Variants in CALN1 observed in about 807,000 individuals in gnomAD.
CALN1 encodes the protein calcium-binding protein 8.
In CALN1, 17 loss-of-function variants were observed where a neutral mutation model predicts 30.6. The ratio of observed to expected loss-of-function variants is 0.56; its 90% CI spans 0.38 to 0.83. The LOEUF (loss-of-function observed/expected upper bound fraction) is 0.83. Among genes scored for constraint, CALN1 ranks in the 40% least tolerant of loss-of-function variants. The pLI, the probability that CALN1 is intolerant of heterozygous loss-of-function variation, is 0.00. For synonymous variants in CALN1, 156 were observed against 131.4 expected (o/e 1.19, Z -1.28); for missense variants, 291 against 354.9 (o/e 0.82, Z 1.45).
chr7:72,162,539 G>A (rs1788183807), intron 3 of CALN1, among the ~76,000 whole-genome samples: 1 of 151,842 alleles, frequency 6.6e-6, no homozygotes, highest in South Asian at 2.1e-4. Flanking sequence ...TTCGAGATCA[G>A]CCTGGGCAAC....
intron 1 of CALN1, among the ~76,000 whole-genome samples, chr7:72,434,974 C>G (rs957476367): frequency 2.0e-5 from 3 of 152,178 alleles, no homozygotes; most frequent in Non-Finnish European, 4.4e-5. Flanking sequence ...CACCTGTAAT[C>G]CAAGCACTTT....
chr7:72,411,138 T>C (rs746467715), intron 1 of CALN1, among the ~76,000 whole-genome samples: 6 of 148,408 alleles, frequency 4.0e-5, no homozygotes, highest in African/African-American at 7.9e-5. Context: ...AGAGCAAACA[T>C]AAAGGTTTTA....
At chr7:71,807,010 G>A (rs918423770) in intron 6 of CALN1, among the ~76,000 whole-genome samples, 4 of 152,196 alleles carry the variant, frequency 2.6e-5, no homozygotes, top group Non-Finnish European at 5.9e-5. Context: ...CGTCAGCAAG[G>A]GCATGGTTGA....
chr7:71,984,922 A>G (rs1562956368), intron 5 of CALN1, among the ~76,000 whole-genome samples: 1 of 152,156 alleles, frequency 6.6e-6, no homozygotes, highest in African/African-American at 2.4e-5. Context: ...AGATTCTTCT[A>G]CTTGGCAAAG....
At chr7:72,213,923 G>A (rs1444081701) in intron 3 of CALN1, among the ~76,000 whole-genome samples, 1 of 152,180 alleles carries the variant, frequency 6.6e-6, no homozygotes, top group Admixed American at 6.5e-5. Context: ...AGGCAAAGGC[G>A]CTGTTGTGGC....
At chr7:71,938,521 G>A (rs368643590) in intron 5 of CALN1, among the ~76,000 whole-genome samples, 2 of 152,132 alleles carry the variant, frequency 1.3e-5, no homozygotes, top group East Asian at 1.9e-4. Context: ...ACAGGGCCGG[G>A]CACGGTGGCT....
Position 71,912,330 on chromosome 7 carries a change from C to A in CALN1, c.502-101838G>T, listed in dbSNP as rs73701487. On this transcript the variant is annotated intron_variant, in intron 5 of 6. Transcript: ENST00000395275. Reference sequence around the variant, plus strand: ...TCTCAGTGGTCCCAGTTGATGATAACAGACAGTGCCCTGCCAAACCAAAGT... The same window carrying A: ...TCTCAGTGGTCCCAGTTGATGATAAAAGACAGTGCCCTGCCAAACCAAAGT... 8.4e-4 allele frequency among the ~76,000 whole-genome samples: 128 copies of A among 152,186 alleles called. 1 individual carries two copies. Among genetic ancestry groups the A allele is most frequent in the South Asian group, 3.5e-3 (17 of 4,804 alleles).
chr7:72,318,168 C>A (rs1162596577), intron 2 of CALN1, among the ~76,000 whole-genome samples: 1 of 152,134 alleles, frequency 6.6e-6, no homozygotes, highest in Non-Finnish European at 1.5e-5. Context: ...GGTTTCAATG[C>A]AAATGATACT....
At chr7:71,902,880 A>G (rs1460446208) in intron 5 of CALN1, among the ~76,000 whole-genome samples, 3 of 152,104 alleles carry the variant, frequency 2.0e-5, no homozygotes, top group Admixed American at 6.5e-5. Context: ...AATAACTCAG[A>G]AAGTCAAATA....
chr7:72,208,128 A>G (rs949117109), intron 3 of CALN1, among the ~76,000 whole-genome samples: 1 of 152,238 alleles, frequency 6.6e-6, no homozygotes, highest in African/African-American at 2.4e-5. Context: ...TTTATTTAAT[A>G]AAAGCCTCAG....
At chr7:72,278,331 C>G (rs372065981) in intron 3 of CALN1, among the ~76,000 whole-genome samples, 2 of 152,104 alleles carry the variant, frequency 1.3e-5, no homozygotes, top group Non-Finnish European at 2.9e-5. Flanking sequence ...TCAGTGACAA[C>G]ACAGAAACAA....
At chr7:72,229,345 C>A (rs1458840179) in intron 3 of CALN1, among the ~76,000 whole-genome samples, 2 of 152,048 alleles carry the variant, frequency 1.3e-5, no homozygotes, top group Non-Finnish European at 2.9e-5. Context: ...GAAAGCAGAG[C>A]ATGGTGGCTC....
intron 5 of CALN1, among the ~76,000 whole-genome samples, chr7:71,852,969 C>A (rs933847009): frequency 7.1e-4 from 108 of 152,300 alleles, no homozygotes; most frequent in African/African-American, 2.4e-3. Flanking sequence ...CTGCTTACGA[C>A]TCTTTTCTCA....
At chr7:72,366,418 C>T (rs550109941) in intron 2 of CALN1, among the ~76,000 whole-genome samples, 2 of 152,196 alleles carry the variant, frequency 1.3e-5, no homozygotes, top group South Asian at 2.1e-4. Flanking sequence ...TCAGGTGATC[C>T]ACCTGCCTCG....
At chr7:72,163,766 T>C (rs1585070524) in intron 3 of CALN1, among the ~76,000 whole-genome samples, 1 of 152,056 alleles carries the variant, frequency 6.6e-6, no homozygotes, top group African/African-American at 2.4e-5. Context: ...CAGAAACATA[T>C]TGATGGAGAT....
chr7:72,182,231 G>T (rs926791872), intron 3 of CALN1, among the ~76,000 whole-genome samples: 1 of 152,078 alleles, frequency 6.6e-6, no homozygotes, highest in African/African-American at 2.4e-5. Context: ...AACGCAGTGT[G>T]TCCTGTATCT....
At chr7:72,066,537 G>C (rs1804033604) in intron 4 of CALN1, among the ~76,000 whole-genome samples, 2 of 151,180 alleles carry the variant, frequency 1.3e-5, no homozygotes, top group African/African-American at 4.9e-5. Flanking sequence ...GGAACCAACT[G>C]TCCCTTTCTG....
chr7:72,328,441 A>G (rs1319100698), intron 2 of CALN1, among the ~76,000 whole-genome samples: 1 of 152,164 alleles, frequency 6.6e-6, no homozygotes, highest in Non-Finnish European at 1.5e-5. Flanking sequence ...TTCCGCCATG[A>G]TTGTGAGGCC....
At chr7:72,173,702 T>G (rs1040067627) in intron 3 of CALN1, among the ~76,000 whole-genome samples, 6 of 152,144 alleles carry the variant, frequency 3.9e-5, no homozygotes, top group African/African-American at 1.4e-4. Context: ...TGTTTGTTTG[T>G]TTTTAATAAA....
Sources: allele counts gnomAD v4.1 joint callset (sites outside exome capture counted in the v4.1 genomes callset), GRCh38; gene constraint gnomAD v4.1.1; transcripts MANE v1.5; gene names NCBI Gene and HGNC (gene_info 2026-07-23, HGNC 2026-07-21).